Variants in NFAT5 observed in about 807,000 individuals in gnomAD.
The protein encoded by NFAT5 is nuclear factor of activated T-cells 5.
In NFAT5, 31 loss-of-function variants were observed where a neutral mutation model predicts 166.5. That is an observed-to-expected ratio of 0.19 (90% CI 0.14 to 0.25). NFAT5 has a LOEUF of 0.25. NFAT5 is among the 10% of genes least tolerant of loss of function. NFAT5 has a pLI of 1.00. For synonymous variants in NFAT5, 612 were observed against 639.7 expected (o/e 0.96, Z 0.65); for missense variants, 1,449 against 1,821.8 (o/e 0.80, Z 3.72).
intron 2 of NFAT5, among the ~76,000 whole-genome samples, chr16:69,620,142 A>G (rs1314665313): frequency 6.6e-6 from 1 of 152,194 alleles, no homozygotes; most frequent in Admixed American, 6.5e-5. Flanking sequence ...TGTTGATTTC[A>G]TTCTTCTATT....
At chr16:69,696,161 C>G (rs1228224258) in intron 14 of NFAT5, among the ~76,000 whole-genome samples, 199 bp from the exon 15 acceptor site, 1 of 152,184 alleles carries the variant, frequency 6.6e-6, no homozygotes, top group African/African-American at 2.4e-5. Context: ...TTCCTTTGTA[C>G]TATATATTGG....
intron 2 of NFAT5, among the ~76,000 whole-genome samples, chr16:69,623,784 G>A (rs1271664406): frequency 1.3e-5 from 2 of 151,206 alleles, no homozygotes; most frequent in African/African-American, 4.9e-5. Flanking sequence ...TGGGATTACA[G>A]GCATGAGCCA....
At chr16:69,599,930 G>A (rs1205144064) in intron 2 of NFAT5, among the ~76,000 whole-genome samples, 1 of 152,170 alleles carries the variant, frequency 6.6e-6, no homozygotes, top group African/African-American at 2.4e-5. Context: ...TGAGATGGGT[G>A]CTGAGGAGTG....
chr16:69,643,409 C>A, intron 3 of NFAT5, among the ~76,000 whole-genome samples: 1 of 151,248 alleles, frequency 6.6e-6, no homozygotes, highest in South Asian at 2.1e-4. Flanking sequence ...GTTCTGATAT[C>A]ATTATTTTAT....
intron 3 of NFAT5, among the ~76,000 whole-genome samples, chr16:69,629,639 A>G (rs868303449): frequency 2.0e-5 from 3 of 151,554 alleles, no homozygotes; most frequent in African/African-American, 7.3e-5. Context: ...TTTAAGAGAC[A>G]TGTTCTAGCT....
chr16:69,647,556 A>G lies in NFAT5; in HGVS notation c.782A>G (p.Asp261Gly). 6.3e-7 allele frequency: 1 copy of G among 1,589,516 alleles called. No homozygotes were observed. The highest frequency in any genetic ancestry group is 8.5e-7 in the Non-Finnish European group (1 of 1,169,854). The change falls in exon 4 of 15, where the codon GAC (aspartate) becomes GGC (glycine). Residue 261 changes from aspartate to glycine, a missense_variant. Physicochemically the swap from Asp to Gly is moderately conservative, Grantham distance 94 (BLOSUM62 -1). Transcript: ENST00000349945. This position sits in a 1 kb window ranked among gnomAD's most constrained non-coding sequence, Gnocchi z 4.8. ...TATGTGCTTTCTCAGCTTACCACGG[A>G]CAACAAAGGCAACTCAAAAGCGGGA... is the stretch of plus-strand genomic sequence containing the variant. ...PHYVLSQLTT[D>G]NKGNSKAGNG...
intron 2 of NFAT5, among the ~76,000 whole-genome samples, chr16:69,586,633 C>A (rs1387834876): frequency 6.6e-6 from 1 of 152,052 alleles, no homozygotes; most frequent in Non-Finnish European, 1.5e-5. Flanking sequence ...GAACTCCTGA[C>A]CTCAGGTGAT....
chr16:69,687,436 G>GA (rs374420987), intron 11 of NFAT5, among the ~76,000 whole-genome samples: 36,937 of 84,936 alleles, frequency 0.43, 7,276 homozygotes, highest in East Asian at 0.85. Context: ...GCAAGACTCT[G>GA]AAAAAAAAAA....
chr16:69,597,521 T>G (rs1419421107), intron 2 of NFAT5, among the ~76,000 whole-genome samples: 1 of 152,170 alleles, frequency 6.6e-6, no homozygotes, highest in Non-Finnish European at 1.5e-5. Flanking sequence ...CCTAGCATGA[T>G]TTCTTTACTC....
At chr16:69,578,683 G>C (rs2031461879) in intron 2 of NFAT5, among the ~76,000 whole-genome samples, 1 of 151,914 alleles carries the variant, frequency 6.6e-6, no homozygotes, top group Non-Finnish European at 1.5e-5. Context: ...CTTTTCTCCA[G>C]TTTATAAGTA....
At chr16:69,669,052 G>A (rs2036519333) in intron 7 of NFAT5, among the ~76,000 whole-genome samples, 1 of 151,978 alleles carries the variant, frequency 6.6e-6, no homozygotes, top group East Asian at 1.9e-4. Flanking sequence ...ATACTACCAC[G>A]CCCAGCTAAT....
At chr16:69,614,435 C>T (rs2033845178) in intron 2 of NFAT5, among the ~76,000 whole-genome samples, 1 of 152,230 alleles carries the variant, frequency 6.6e-6, no homozygotes, top group Non-Finnish European at 1.5e-5. Context: ...GCTACAGTTA[C>T]ATAGCTGAAT....
Position 69,620,992 on chromosome 16 carries a change from TTTC to T in NFAT5, c.128-5402_128-5400del, listed in dbSNP as rs555503709. Reference sequence around the variant, plus strand: ...AGTCATCTATTTTATTAAGTCTATATTTCTTCTTCTTGTTTACAATAACTTATA... The same window carrying T: ...AGTCATCTATTTTATTAAGTCTATATTTCTTCTTGTTTACAATAACTTATA... On this transcript the variant is annotated intron_variant, in intron 2 of 14. Coordinates refer to ENST00000349945, the MANE Select transcript of NFAT5 (RefSeq NM_138713.4). 2.5e-4 allele frequency among the ~76,000 whole-genome samples: 38 copies of T among 152,382 alleles called. No homozygotes were observed. The East Asian group carries it at 7.3e-3, about 29-fold the overall frequency.
intron 2 of NFAT5, among the ~76,000 whole-genome samples, chr16:69,584,521 G>C (rs1044197913): frequency 6.6e-6 from 1 of 151,770 alleles, no homozygotes; most frequent in African/African-American, 2.4e-5. Context: ...GTAGAGACAG[G>C]GTTTCACCAT....
rs2035480397 is a variant in NFAT5 at position 69,647,314 on chromosome 16, G to A, written c.540G>A (p.Glu180=). ...ACAGTCGGATGTCCTGCCAGGATGA[G>A]GGGTGTGGATTGGAATCTGAGCAGA... ...LDNSRMSCQD[E]GCGLESEQSC... is the part of the protein sequence containing the mutation. Residue 180 remains glutamate (E), a synonymous_variant, in exon 4 of 15, where the codon GAG becomes GAA. Coordinates refer to ENST00000349945, the MANE Select transcript of NFAT5 (RefSeq NM_138713.4). The surrounding 1 kb of genome is among the most constrained non-coding windows in gnomAD (Gnocchi z 4.8). 1 of 1,614,094 alleles carries A rather than the reference G, an allele frequency of 6.2e-7. No homozygotes were observed. The highest frequency in any genetic ancestry group is 1.7e-5 in the Admixed American group (1 of 60,002).
chr16:69,630,999 G>A (rs180959332), intron 3 of NFAT5, among the ~76,000 whole-genome samples: 1 of 151,982 alleles, frequency 6.6e-6, no homozygotes, highest in African/African-American at 2.4e-5. Flanking sequence ...TTACTTTCTT[G>A]TTCTATTCTA....
intron 4 of NFAT5, chr16:69,649,110 A>T (rs1472764186): frequency 1.2e-6 from 1 of 857,622 alleles, no homozygotes; most frequent in African/African-American, 1.8e-5. Context: ...ATTTCAGAAC[A>T]TAATATTTGT....
Position 69,693,333 on chromosome 16 carries a change from A to C in NFAT5, c.3508A>C (p.Thr1170Pro). 5.6e-6 allele frequency: 9 copies of C among 1,614,200 alleles called. No homozygotes were observed. The highest frequency in any genetic ancestry group is 7.6e-6 in the Non-Finnish European group (9 of 1,180,026). The change falls in exon 13 of 15, where the codon ACT (threonine) becomes CCT (proline). Residue 1170 changes from threonine (T) to proline (P), a missense_variant. Transcript: ENST00000349945. Reference protein sequence around the residue: ...LSQSPMNNLQTNTVAQEAFFA... With the variant: ...LSQSPMNNLQPNTVAQEAFFA... ...CCAGAGTCCCATGAATAATCTTCAGACTAACACAGTAGCCCAAGAAGCATT... is the reference window on the plus strand; with the variant it reads ...CCAGAGTCCCATGAATAATCTTCAGCCTAACACAGTAGCCCAAGAAGCATT...
At chr16:69,658,764 T>C (rs1414729366) in intron 6 of NFAT5, among the ~76,000 whole-genome samples, 1 of 151,712 alleles carries the variant, frequency 6.6e-6, no homozygotes, top group Non-Finnish European at 1.5e-5. Flanking sequence ...GAGGGAGAGG[T>C]TGTAGTGAGC....
Sources: allele counts gnomAD v4.1 joint callset (sites outside exome capture counted in the v4.1 genomes callset), GRCh38; gene constraint gnomAD v4.1.1; non-coding constraint Gnocchi (gnomAD v3.1); transcripts MANE v1.5; gene names NCBI Gene and HGNC (gene_info 2026-07-23, HGNC 2026-07-21).